Variants in SETDB1 observed in about 807,000 individuals in gnomAD.
SETDB1 encodes SET domain bifurcated histone lysine methyltransferase 1.
SETDB1 carries 31 observed loss-of-function variants against 137.4 expected under a neutral mutation model. The ratio of observed to expected loss-of-function variants is 0.23; its 90% CI spans 0.17 to 0.30. The LOEUF (loss-of-function observed/expected upper bound fraction) is 0.30. SETDB1 is among the 10% of genes least tolerant of loss of function. The pLI is 1.00. For synonymous variants in SETDB1, 548 were observed against 579.9 expected (o/e 0.95, Z 0.79); for missense variants, 1,113 against 1,631.5 (o/e 0.68, Z 5.47).
Position 150,961,115 on chromosome 1 carries a change from G to T in SETDB1, c.3056G>T (p.Arg1019Leu), listed in dbSNP as rs149404089. The stretch of plus-strand genomic sequence containing the variant: ...GGGGAGGGCCGGGCTGGGGGAAGCC[G>T]AATGGAGGCTGAGAAGGCCTCCACC... ...EGGEGRAGGS[R>L]MEAEKASTSG... is the part of the protein sequence containing the mutation. The change falls in exon 16 of 22, where the codon CGA becomes CTA. Residue 1019 changes from arginine to leucine, a missense_variant. By Grantham distance (102) the Arg-to-Leu change is moderately radical (BLOSUM62 -2). This residue lies in a region of SETDB1 where 373 missense variants were observed against 412.7 expected (regional missense o/e 0.90). Coordinates refer to ENST00000692827, the MANE Select transcript of SETDB1 (RefSeq NM_001366418.1). 355 of 1,613,918 alleles carry T rather than the reference G, an allele frequency of 2.2e-4. No individual in the cohort carries two copies. Among genetic ancestry groups the T allele is most frequent in the Non-Finnish European group, 2.7e-4 (323 of 1,179,966 alleles).
At chr1:150,958,254 C>CTTTTTTTTTTTTTTTTT (rs374122454) in intron 14 of SETDB1, among the ~76,000 whole-genome samples, 76 of 94,066 alleles carry the variant, frequency 8.1e-4, no homozygotes, top group Non-Finnish European at 1.0e-3. Context: ...TTTCTTTTTT[C>CTTTTTTTTTTTTTTTTT]TTTTTTTTTT....
intron 3 of SETDB1, among the ~76,000 whole-genome samples, chr1:150,932,762 T>G (rs1571625155): frequency 6.6e-6 from 1 of 152,188 alleles, no homozygotes; most frequent in East Asian, 1.9e-4. Flanking sequence ...AGGATTGATT[T>G]TAGACCTTTC....
chr1:150,938,073 T>C (rs1412096983), intron 3 of SETDB1, among the ~76,000 whole-genome samples: 1 of 152,014 alleles, frequency 6.6e-6, no homozygotes, highest in African/African-American at 2.4e-5. Context: ...ATACAAAATT[T>C]AGCTGGGTGT....
intron 10 of SETDB1, among the ~76,000 whole-genome samples, chr1:150,948,375 A>G (rs1051408699): frequency 6.6e-6 from 1 of 151,062 alleles, no homozygotes; most frequent in Non-Finnish European, 1.5e-5. Context: ...GGTTCCAGCA[A>G]TTCTCCTGCC....
At chr1:150,940,601 C>T (rs1419911079) in intron 4 of SETDB1, among the ~76,000 whole-genome samples, 4 of 149,882 alleles carry the variant, frequency 2.7e-5, no homozygotes, top group Non-Finnish European at 5.9e-5. Flanking sequence ...GGCGTGGTGG[C>T]TTACGCCTGT....
intron 17 of SETDB1, 28 bp from the exon 18 acceptor site, chr1:150,962,559 T>C: frequency 3.1e-6 from 5 of 1,612,508 alleles, no homozygotes; most frequent in Non-Finnish European, 4.2e-6. Flanking sequence ...CAGTAACCTG[T>C]TGGCTTCATT....
At chr1:150,939,042 G>A (rs1345298287) in intron 3 of SETDB1, among the ~76,000 whole-genome samples, 1 of 151,848 alleles carries the variant, frequency 6.6e-6, no homozygotes, top group African/African-American at 2.4e-5. Flanking sequence ...TGGTTCAAGC[G>A]ATTTTCTTGC....
chr1:150,963,544 C>G lies in SETDB1; in HGVS notation c.3475C>G (p.Gln1159Glu). The part of the protein sequence containing the change: ...KKNMTGPMKR[Q>E]VAVKSTRGFA... ...CTCCTGTCCAGGTCCAATGAAGCGT[C>G]AAGTGGCAGTAAAATCAACCCGAGG... Residue 1159 changes from glutamine (Q) to glutamate (E), a missense_variant, in exon 20 of 22, where the codon CAA becomes GAA. By Grantham distance (29) the Gln-to-Glu change is conservative. Transcript: ENST00000692827. 6.2e-7 allele frequency: 1 copy of G among 1,612,866 alleles called. No homozygotes were observed. The highest frequency in any genetic ancestry group is 8.5e-7 in the Non-Finnish European group (1 of 1,179,198).
chr1:150,960,181 T>C (rs1348158673), intron 15 of SETDB1, among the ~76,000 whole-genome samples: 1 of 151,670 alleles, frequency 6.6e-6, no homozygotes, highest in African/African-American at 2.4e-5. Flanking sequence ...TTCTTTCTAA[T>C]AGGTCCCCGT....
At chr1:150,957,703 A>G (rs587718946) in intron 14 of SETDB1, among the ~76,000 whole-genome samples, 2 of 152,074 alleles carry the variant, frequency 1.3e-5, no homozygotes, top group African/African-American at 4.8e-5. Context: ...AATAATTAAA[A>G]TTTTTTTCTT....
At chr1:150,952,934 C>G (rs1281418773) in intron 14 of SETDB1, among the ~76,000 whole-genome samples, 1 of 151,988 alleles carries the variant, frequency 6.6e-6, no homozygotes, top group African/African-American at 2.4e-5. Context: ...TCAGGCAATC[C>G]AAGTAGAAAT....
In SETDB1 at chr1:150,964,262, G is replaced by A. The variant is rs149782127; in HGVS notation, c.3777G>A (p.Gly1259=). The part of the protein sequence containing the change: ...AFFASKRIRA[G]TELTWDYNYE... ...TCCTCTTCAGAAGAATCCGGGCTGG[G>A]ACAGAACTTACTTGGGACTACAACT... Residue 1259 remains glycine, a synonymous_variant, in exon 22 of 22, where the codon GGG becomes GGA. Coordinates refer to ENST00000692827, the MANE Select transcript of SETDB1 (RefSeq NM_001366418.1). 6.2e-6 allele frequency: 10 copies of A among 1,613,954 alleles called. No individual in the cohort carries two copies. In the South Asian group the frequency reaches 1.1e-4, roughly 18 times the overall value.
chr1:150,958,534 G>A (rs1670725539), intron 14 of SETDB1, among the ~76,000 whole-genome samples: 1 of 151,472 alleles, frequency 6.6e-6, no homozygotes, highest in Non-Finnish European at 1.5e-5. Context: ...ATAGGCATGA[G>A]CCACCACGCC....
At chr1:150,931,141 TC>T in intron 3 of SETDB1, among the ~76,000 whole-genome samples, 1 of 151,202 alleles carries the variant, frequency 6.6e-6, no homozygotes, top group Middle Eastern at 3.4e-3. Context: ...ACCCCAGTAA[TC>T]CCAGCTACTT....
At chr1:150,961,298 T>C in intron 16 of SETDB1, 107 bp downstream of exon 16, 1 of 1,187,466 alleles carries the variant, frequency 8.4e-7, no homozygotes, top group Admixed American at 2.1e-5. Context: ...TTGATGGATA[T>C]TTCTGTGGCC....
Position 150,960,558 on chromosome 1 carries a change from C to T in SETDB1, c.2504-5C>T. ...TAGAAGGCCTTTAATTCTCTTCATT[C>T]TCAGGCAAAATCCTGACAGATGACT... On this transcript the variant is annotated splice_polypyrimidine_tract_variant and splice_region_variant and intron_variant, in intron 15 of 21. Transcript: ENST00000692827. 2 of 1,583,722 alleles carry T rather than the reference C, an allele frequency of 1.3e-6. No homozygotes were observed. The highest frequency in any genetic ancestry group is 1.1e-5 in the South Asian group (1 of 90,106).
At chr1:150,937,984 C>A (rs1669997408) in intron 3 of SETDB1, among the ~76,000 whole-genome samples, 1 of 152,050 alleles carries the variant, frequency 6.6e-6, no homozygotes, top group Non-Finnish European at 1.5e-5. Context: ...AATCCTAGCA[C>A]TTTGGGAGCC....
In SETDB1 at chr1:150,961,088, G is replaced by T. The variant is rs372956009; in HGVS notation, c.3029G>T (p.Gly1010Val). Residue 1010 changes from glycine to valine, a missense_variant, in exon 16 of 22, where the codon GGT becomes GTT. By Grantham distance (109) the Gly-to-Val change is moderately radical (BLOSUM62 -3). This residue lies in a region of SETDB1 where 373 missense variants were observed against 412.7 expected (regional missense o/e 0.90). Coordinates refer to ENST00000692827, the MANE Select transcript of SETDB1 (RefSeq NM_001366418.1). ...DSHSSFKTNE[G>V]GEGRAGGSRM... Reference sequence around the variant, plus strand: ...CATTCATCCTTCAAGACTAATGAAGGTGGGGAGGGCCGGGCTGGGGGAAGC... The same window carrying T: ...CATTCATCCTTCAAGACTAATGAAGTTGGGGAGGGCCGGGCTGGGGGAAGC... 1.5e-5 allele frequency: 25 copies of T among 1,613,728 alleles called. No individual in the cohort carries two copies. The highest frequency in any genetic ancestry group is 2.0e-5 in the Non-Finnish European group (24 of 1,179,732).
intron 2 of SETDB1, 54 bp from the exon 3 acceptor site, chr1:150,929,913 A>G (rs1357008403): frequency 2.0e-6 from 3 of 1,468,890 alleles, no homozygotes; most frequent in East Asian, 2.3e-5. Flanking sequence ...TGGATTCTAT[A>G]TCTCTTAATT....
Sources: allele counts gnomAD v4.1 joint callset (sites outside exome capture counted in the v4.1 genomes callset), GRCh38; gene constraint gnomAD v4.1.1; regional missense constraint gnomAD v4.1.1; transcripts MANE v1.5; gene names NCBI Gene and HGNC (gene_info 2026-07-23, HGNC 2026-07-21).